RBFOX1: variants seen among roughly 807,000 people sequenced by gnomAD.
RBFOX1 encodes RNA binding protein fox-1 homolog 1.
Under a neutral mutation model 57.7 loss-of-function variants are expected in RBFOX1, and 8 were observed. The observed-to-expected ratio is 0.14, with a 90% CI of 0.08 to 0.25. The LOEUF is 0.25. Ranked by LOEUF, RBFOX1 falls within the 10% of genes least tolerant of loss-of-function variation. The pLI is 1.00. For synonymous variants in RBFOX1, 326 were observed against 222.4 expected, an observed-to-expected ratio of 1.47 and a Z score of -4.15; for missense variants, 611 against 548.5, an observed-to-expected ratio of 1.11 and a Z score of -1.14.
intron 4 of RBFOX1, among the ~76,000 whole-genome samples, chr16:7,297,000 G>A (rs1568086014): frequency 6.6e-6 from 1 of 152,150 alleles, no homozygotes; most frequent in Non-Finnish European, 1.5e-5. Flanking sequence ...TCATGTCAGG[G>A]GAAGAGCTGG....
intron 3 of RBFOX1, among the ~76,000 whole-genome samples, chr16:7,005,850 C>T (rs1022201465): frequency 2.6e-5 from 4 of 152,286 alleles, no homozygotes; most frequent in Admixed American, 6.5e-5. Flanking sequence ...CTACAGCTTT[C>T]GCTTCACTAA....
intron 4 of RBFOX1, among the ~76,000 whole-genome samples, chr16:5,921,580 G>C (rs950658702): frequency 6.6e-6 from 1 of 152,186 alleles, no homozygotes. Flanking sequence ...TTTCTGGAAA[G>C]GTAATGAAGG....
intron 4 of RBFOX1, among the ~76,000 whole-genome samples, chr16:7,430,104 G>T (rs1169787670): frequency 2.0e-5 from 3 of 152,172 alleles, no homozygotes; most frequent in African/African-American, 4.8e-5. Flanking sequence ...TTAAAAACTT[G>T]TTCTACTTTC....
Position 7,274,859 on chromosome 16 carries a change from A to G in RBFOX1, c.27+222761A>G, listed in dbSNP as rs551930811. 1.9e-3 allele frequency among the ~76,000 whole-genome samples: 286 copies of G among 151,798 alleles called. 2 individuals are homozygous for G. The highest frequency in any genetic ancestry group is 6.3e-3 in the African/African-American group (260 of 41,392). On this transcript the variant is annotated intron_variant, in intron 4 of 15. Coordinates refer to ENST00000550418, the MANE Select transcript of RBFOX1 (RefSeq NM_018723.4). The stretch of plus-strand genomic sequence containing the variant: ...GCCACCACACCTGGCTGATTTTTAT[A>G]TTTTTAGTAGAGAGTGGATTTTGCC...
chr16:5,528,725 C>T (rs1295852031), intron 2 of RBFOX1, among the ~76,000 whole-genome samples: 1 of 151,740 alleles, frequency 6.6e-6, no homozygotes, highest in Non-Finnish European at 1.5e-5. Flanking sequence ...TCTCGGCTCA[C>T]TGCAACCTCC....
chr16:6,707,721 T>C (rs1254443892), intron 3 of RBFOX1, among the ~76,000 whole-genome samples: 1 of 152,192 alleles, frequency 6.6e-6, no homozygotes, highest in African/African-American at 2.4e-5. Flanking sequence ...TTCTGCTCCA[T>C]AGCACATTTT....
intron 4 of RBFOX1, among the ~76,000 whole-genome samples, chr16:7,382,550 T>A (rs929991017): frequency 2.6e-5 from 4 of 152,228 alleles, no homozygotes; most frequent in Non-Finnish European, 4.4e-5. Context: ...ACTCACCGAA[T>A]TGATTCCATT....
At chr16:6,598,713 T>C (rs1253030814) in intron 2 of RBFOX1, among the ~76,000 whole-genome samples, 1 of 152,152 alleles carries the variant, frequency 6.6e-6, no homozygotes, top group African/African-American at 2.4e-5. Context: ...TTTGGGTGGC[T>C]GAGGCAGGCA....
At chr16:7,679,319 T>C (rs1422626792) in intron 14 of RBFOX1, among the ~76,000 whole-genome samples, 1 of 152,214 alleles carries the variant, frequency 6.6e-6, no homozygotes, top group Non-Finnish European at 1.5e-5. Context: ...GAAGTAGCAA[T>C]TGTGTAACCA....
chr16:5,532,698 C>T (rs893920982), intron 2 of RBFOX1, among the ~76,000 whole-genome samples: 2 of 152,220 alleles, frequency 1.3e-5, no homozygotes, highest in Non-Finnish European at 2.9e-5. Flanking sequence ...CTTGCTGGCT[C>T]ATACCCAGGC....
intron 4 of RBFOX1, among the ~76,000 whole-genome samples, chr16:7,120,438 A>G (rs1272549782): frequency 1.3e-5 from 2 of 152,056 alleles, no homozygotes; most frequent in Non-Finnish European, 2.9e-5. Flanking sequence ...AAGACTGACA[A>G]AAAGCAGAGA....
At chr16:7,204,838 G>T (rs560960954) in intron 4 of RBFOX1, among the ~76,000 whole-genome samples, 1 of 152,022 alleles carries the variant, frequency 6.6e-6, no homozygotes, top group East Asian at 1.9e-4. Context: ...CCTCCGCACA[G>T]TTTCTGGCAT....
At chr16:7,075,847 T>G (rs2058194111) in intron 4 of RBFOX1, among the ~76,000 whole-genome samples, 1 of 152,092 alleles carries the variant, frequency 6.6e-6, no homozygotes, top group African/African-American at 2.4e-5. Flanking sequence ...CCCAAAGTGC[T>G]GGGATTACAG....
intron 2 of RBFOX1, among the ~76,000 whole-genome samples, chr16:6,391,458 C>A (rs1451128459): frequency 2.0e-5 from 3 of 148,274 alleles, no homozygotes; most frequent in African/African-American, 7.6e-5. Context: ...TGCAGTGAGC[C>A]GAGATCGCAC....
At chr16:6,101,179 T>A (rs536112931) in intron 1 of RBFOX1, among the ~76,000 whole-genome samples, 58 of 152,342 alleles carry the variant, frequency 3.8e-4, no homozygotes, top group Non-Finnish European at 7.6e-4. Context: ...ATGGTATTTA[T>A]GAGAACATCT....
At chr16:7,229,340 C>T (rs531409665) in intron 4 of RBFOX1, among the ~76,000 whole-genome samples, 5 of 152,224 alleles carry the variant, frequency 3.3e-5, no homozygotes, top group South Asian at 2.1e-4. Flanking sequence ...TGAAACTGCT[C>T]GGCTTTCCTT....
At chr16:5,453,428 C>G (rs1211939797) in intron 1 of RBFOX1, among the ~76,000 whole-genome samples, 1 of 152,162 alleles carries the variant, frequency 6.6e-6, no homozygotes, top group East Asian at 1.9e-4. Context: ...CTCTTAGCAT[C>G]ACATACTGTA....
At chr16:5,468,271 C>G (rs575166207) in intron 2 of RBFOX1, among the ~76,000 whole-genome samples, 4 of 152,302 alleles carry the variant, frequency 2.6e-5, no homozygotes, top group African/African-American at 9.6e-5. Flanking sequence ...GTTGGGCAAT[C>G]ACTACCTCTC....
At chr16:6,087,798 G>C (rs547775538) in intron 1 of RBFOX1, among the ~76,000 whole-genome samples, 1 of 151,990 alleles carries the variant, frequency 6.6e-6, no homozygotes, top group Admixed American at 6.6e-5. Context: ...GGCTATAGGC[G>C]AGCACCACCA....
Sources: allele counts gnomAD v4.1 joint callset (sites outside exome capture counted in the v4.1 genomes callset), GRCh38; gene constraint gnomAD v4.1.1; transcripts MANE v1.5; gene names NCBI Gene and HGNC (gene_info 2026-07-23, HGNC 2026-07-21).